FGF13: variants seen among roughly 807,000 people sequenced by gnomAD.
FGF13 encodes the protein fibroblast growth factor 13.
In FGF13, 2 loss-of-function variants were observed where a neutral mutation model predicts 19.5. That is an observed-to-expected ratio of 0.10 (90% CI 0.04 to 0.32). The LOEUF (loss-of-function observed/expected upper bound fraction) is 0.32, where lower values mean the gene tolerates loss of function less well. Ranked by LOEUF, FGF13 falls within the 10% of genes least tolerant of loss-of-function variation. FGF13 has a pLI of 1.00. For synonymous variants in FGF13, 72 were observed against 76.9 expected, an observed-to-expected ratio of 0.94 and a Z score of 0.33; for missense variants, 113 against 192.7, an observed-to-expected ratio of 0.59 and a Z score of 2.45.
chrX:138,957,077 A>G (rs1172553525), intron 1 of FGF13, among the ~76,000 whole-genome samples: 2 of 111,620 alleles, frequency 1.8e-5, no homozygotes, highest in East Asian at 5.7e-4. Flanking sequence ...AAAGAAGAGA[A>G]GAAAGGAAAA....
intron 1 of FGF13, among the ~76,000 whole-genome samples, chrX:139,105,381 G>A (rs2083552536): frequency 9.0e-6 from 1 of 110,853 alleles, no homozygotes. Flanking sequence ...TCCTCTTCTG[G>A]TTGCAACCTA....
At chrX:138,666,946 TTAAGAA>T (rs1339955833) in intron 3 of FGF13, among the ~76,000 whole-genome samples, 3 of 109,462 alleles carry the variant, frequency 2.7e-5, no homozygotes, top group African/African-American at 3.3e-5. Flanking sequence ...AAAATGTAGA[TTAAGAA>T]TAATATTTTA....
intron 1 of FGF13, among the ~76,000 whole-genome samples, chrX:139,179,173 G>T (rs777738411): frequency 9.0e-6 from 1 of 111,175 alleles, no homozygotes; most frequent in African/African-American, 3.3e-5. Flanking sequence ...TGGCAAAACC[G>T]CAATTAATTT....
chrX:138,723,795 G>A (rs779691541), intron 1 of FGF13, among the ~76,000 whole-genome samples: 2 of 111,962 alleles, frequency 1.8e-5, no homozygotes, highest in Non-Finnish European at 3.8e-5. Context: ...TTCATCTTGG[G>A]TACTCAGGGG....
chrX:139,068,384 T>A (rs5976263), intron 1 of FGF13, among the ~76,000 whole-genome samples: 1 of 97,152 alleles, frequency 1.0e-5, no homozygotes, highest in African/African-American at 4.4e-5. Context: ...TTTTGGTTAC[T>A]GTAGCCTTGT....
intron 3 of FGF13, among the ~76,000 whole-genome samples, chrX:138,794,219 G>A (rs2090761352): frequency 8.9e-6 from 1 of 111,891 alleles, no homozygotes; most frequent in African/African-American, 3.3e-5. Context: ...GTTTGGGTGA[G>A]TAATGCGATT....
chrX:138,617,178 TA>T lies in FGF13; in HGVS notation c.*15671del, dbSNP rs1287627571. 8.9e-6 allele frequency: 1 copy of T among 111,926 alleles called. No individual in the cohort carries two copies. Among genetic ancestry groups the T allele is most frequent in the African/African-American group, 3.2e-5 (1 of 30,784 alleles). 9.2% of individuals were successfully genotyped at this position (111,926 alleles called of 1,213,427 possible). A position where few individuals can be genotyped will look rare whatever the true frequency, so the allele number is the denominator to read the frequency against. On this transcript the variant is annotated 3_prime_UTR_variant, in exon 5 of 5. Coordinates refer to ENST00000315930, the MANE Select transcript of FGF13 (RefSeq NM_004114.5). The stretch of plus-strand genomic sequence containing the variant: ...ATTTGTCAATACACATGAATTGATA[TA>T]CCTAACAGGTTTGTATATGATACAG...
intron 1 of FGF13, among the ~76,000 whole-genome samples, chrX:139,177,815 G>A (rs887403666): frequency 2.7e-5 from 3 of 112,085 alleles, no homozygotes; most frequent in African/African-American, 9.7e-5. Flanking sequence ...TGGCCCAAAC[G>A]GCCAGCCATT....
chrX:139,011,368 A>C (rs868767052), intron 1 of FGF13, among the ~76,000 whole-genome samples: 3,655 of 83,795 alleles, frequency 0.044, 176 homozygotes, highest in African/African-American at 0.14. Context: ...AAACAAAAAA[A>C]AAAAAAAAAA....
intron 1 of FGF13, among the ~76,000 whole-genome samples, chrX:139,111,894 T>C (rs983566089): frequency 8.9e-6 from 1 of 112,129 alleles, no homozygotes; most frequent in African/African-American, 3.2e-5. Context: ...AACTTAATCA[T>C]TAAATTGCTG....
intron 1 of FGF13, among the ~76,000 whole-genome samples, chrX:139,102,461 G>A (rs2083521888): frequency 9.0e-6 from 1 of 111,691 alleles, no homozygotes; most frequent in Non-Finnish European, 1.9e-5. Flanking sequence ...CTTACTTGCT[G>A]AGACACCAAA....
chrX:138,864,513 A>T (rs1484861858), intron 2 of FGF13: 2 of 112,343 alleles, frequency 1.8e-5, no homozygotes, highest in Non-Finnish European at 3.8e-5. Context: ...AGCCAACCGA[A>T]GTCCTGGCCC....
chrX:138,674,487 A>G (rs899027616), intron 3 of FGF13, among the ~76,000 whole-genome samples: 1 of 111,342 alleles, frequency 9.0e-6, no homozygotes, highest in Non-Finnish European at 1.9e-5. Flanking sequence ...TTGAATCAAT[A>G]TCTGAAAGTG....
rs758569573 is a variant in FGF13 at position 138,976,646 on chromosome X, T to C, written c.-112-111996A>G. ...GCACTAAAGTTTCAGACTTCACCACTATAAAATTCACCCATGTAACCAAAA... is the reference window on the plus strand; with the variant it reads ...GCACTAAAGTTTCAGACTTCACCACCATAAAATTCACCCATGTAACCAAAA... On this transcript the variant is annotated intron_variant, in intron 1 of 2. Coordinates refer to the FGF13 transcript ENST00000421460. 3.4e-4 allele frequency among the ~76,000 whole-genome samples: 38 copies of C among 111,703 alleles called. 1 individual carries two copies. In the East Asian group the frequency reaches 5.4e-3, roughly 16 times the overall value.
chrX:138,888,693 G>T (rs1285099903), intron 1 of FGF13, among the ~76,000 whole-genome samples: 1 of 98,617 alleles, frequency 1.0e-5, no homozygotes, highest in African/African-American at 4.2e-5. Flanking sequence ...ATAGGACCAA[G>T]AAAAAGAAAA....
intron 1 of FGF13, among the ~76,000 whole-genome samples, chrX:139,125,915 C>T (rs776978987): frequency 1.8e-5 from 2 of 111,897 alleles, no homozygotes; most frequent in African/African-American, 3.2e-5. Flanking sequence ...CATGTACACC[C>T]TCAACCCCTG....
intron 1 of FGF13, among the ~76,000 whole-genome samples, chrX:139,086,303 TA>T (rs1299066825): frequency 9.0e-6 from 1 of 111,082 alleles, no homozygotes; most frequent in Non-Finnish European, 1.9e-5. Context: ...CCCCCAAACA[TA>T]CTGTGTCAGA....
At chrX:138,891,083 A>C (rs2091474469) in intron 1 of FGF13, among the ~76,000 whole-genome samples, 1 of 111,828 alleles carries the variant, frequency 8.9e-6, no homozygotes, top group Non-Finnish European at 1.9e-5. Flanking sequence ...CGAGGTCAGG[A>C]GATCGAGACC....
rs191349637 is a variant in FGF13 at position 139,158,337 on chromosome X, G to A, written c.-113+45079C>T. On this transcript the variant is annotated intron_variant, in intron 1 of 2. Coordinates refer to the FGF13 transcript ENST00000421460. Reference sequence around the variant, plus strand: ...GCTCAGCAGAGCCCACCCCCATTGAGCCCAGCAAGCTAAAATTCAATGGCT... The same window carrying A: ...GCTCAGCAGAGCCCACCCCCATTGAACCCAGCAAGCTAAAATTCAATGGCT... Among the ~76,000 whole-genome samples, 749 of 110,942 alleles carry A rather than the reference G, an allele frequency of 6.8e-3. 4 individuals are homozygous for A. The highest frequency in any genetic ancestry group is 0.023 in the African/African-American group (714 of 30,421).
Sources: allele counts gnomAD v4.1 joint callset (sites outside exome capture counted in the v4.1 genomes callset), GRCh38; gene constraint gnomAD v4.1.1; transcripts MANE v1.5; gene names NCBI Gene and HGNC (gene_info 2026-07-23, HGNC 2026-07-21).